F13A1: variants seen among roughly 807,000 people sequenced by gnomAD.
F13A1 encodes coagulation factor XIII A chain.
Under a neutral mutation model 80.1 loss-of-function variants are expected in F13A1, and 47 were observed. That is an observed-to-expected ratio of 0.59 (90% CI 0.46 to 0.75). The LOEUF is 0.75. Ranked by LOEUF, F13A1 falls within the 30% of genes least tolerant of loss-of-function variation. F13A1 has a pLI of 0.00. For missense variants in F13A1, 817 were observed against 930.4 expected, an observed-to-expected ratio of 0.88 and a Z score of 1.59; for synonymous variants, 349 against 344.9, an observed-to-expected ratio of 1.01 and a Z score of -0.13.
In F13A1 at chr6:6,160,102, C is replaced by A. The variant is rs530209993; in HGVS notation, c.1908+7356G>T. ...GACCAGCCTGGCCAACGTGGTGAAA[C>A]CCTGTCTCTACTAAAAATGCAAAAA... On this transcript the variant is annotated intron_variant, in intron 13 of 14. Transcript: ENST00000264870. Among the ~76,000 whole-genome samples the A allele has an allele frequency of 2.0e-3, 297 of 151,598 alleles. 4 individuals carry two copies. The highest frequency in any genetic ancestry group is 3.7e-3 in the Non-Finnish European group (253 of 67,912).
At chr6:6,170,333 TC>T in intron 12 of F13A1, among the ~76,000 whole-genome samples, 1 of 152,144 alleles carries the variant, frequency 6.6e-6, no homozygotes, top group East Asian at 1.9e-4. Flanking sequence ...ACCCCTTTCT[TC>T]TCTGAGGTAG....
At chr6:6,224,652 A>G (rs1301488248) in intron 7 of F13A1, 34 bp downstream of exon 7, 3 of 1,598,138 alleles carry the variant, frequency 1.9e-6, no homozygotes, top group Admixed American at 3.3e-5. Context: ...AGTTTCCTTT[A>G]TATTAAAAAG....
At chr6:6,167,411 G>A (rs967946370) in intron 13 of F13A1, 47 bp downstream of exon 13, 1 of 1,586,974 alleles carries the variant, frequency 6.3e-7, no homozygotes, top group African/African-American at 1.4e-5. Context: ...TGAACACTAA[G>A]TCTGCGTGCC....
chr6:6,194,805 C>T (rs1454884148), intron 10 of F13A1, among the ~76,000 whole-genome samples: 2 of 152,164 alleles, frequency 1.3e-5, no homozygotes, highest in Admixed American at 6.5e-5. Flanking sequence ...TCCTGGAGTA[C>T]TAGAGTGCAA....
chr6:6,272,482 C>T (rs1192781976), intron 3 of F13A1, among the ~76,000 whole-genome samples: 1 of 152,154 alleles, frequency 6.6e-6, no homozygotes, highest in African/African-American at 2.4e-5. Flanking sequence ...AAGCTGATAA[C>T]TCAGGACACT....
chr6:6,206,630 G>A (rs533282412), intron 8 of F13A1: 2 of 483,358 alleles, frequency 4.1e-6, no homozygotes, highest in Non-Finnish European at 8.6e-6. Flanking sequence ...AGAGTGTAGG[G>A]CAGTGATTTC....
chr6:6,266,624 C>T lies in F13A1; in HGVS notation c.505G>A (p.Gly169Ser), dbSNP rs1482093853. ...GGGTTTCGACTGGTTCGAAGTACGCCATAGGGAGTCCAGACAGCAACATAC... is the reference window on the plus strand; with the variant it reads ...GGGTTTCGACTGGTTCGAAGTACGCTATAGGGAGTCCAGACAGCAACATAC... ...RMYVAVWTPY[G>S]VLRTSRNPET... The change falls in exon 4 of 15, where the codon GGC becomes AGC. Residue 169 changes from glycine to serine, a missense_variant. Coordinates refer to ENST00000264870, the MANE Select transcript of F13A1 (RefSeq NM_000129.4). 2.5e-6 allele frequency: 4 copies of T among 1,614,050 alleles called. No individual in the cohort carries two copies. The South Asian group carries it at 3.3e-5, about 13-fold the overall frequency.
intron 4 of F13A1, among the ~76,000 whole-genome samples, chr6:6,256,390 G>A (rs1276123514): frequency 5.3e-5 from 8 of 152,230 alleles, no homozygotes; most frequent in East Asian, 3.9e-4. Flanking sequence ...CCACCATTAC[G>A]ATAAAACTCT....
chr6:6,212,245 G>T (rs1761630592), intron 8 of F13A1, among the ~76,000 whole-genome samples: 1 of 152,226 alleles, frequency 6.6e-6, no homozygotes, highest in Admixed American at 6.5e-5. Context: ...CAAACAAAAA[G>T]ACAGCAGTAA....
At chr6:6,192,416 G>A (rs13212507) in intron 10 of F13A1, among the ~76,000 whole-genome samples, 2 of 152,172 alleles carry the variant, frequency 1.3e-5, no homozygotes, top group African/African-American at 2.4e-5. Context: ...AGAGGGTAAC[G>A]ATAGAGATTG....
intron 12 of F13A1, among the ~76,000 whole-genome samples, 167 bp downstream of exon 12, chr6:6,174,413 A>AAGC (rs1760838725): frequency 6.6e-6 from 1 of 152,036 alleles, no homozygotes; most frequent in African/African-American, 2.4e-5. Context: ...AAAAAAAAAG[A>AAGC]AAGTGGAGGC....
chr6:6,277,652 C>T (rs1758006686), intron 3 of F13A1, among the ~76,000 whole-genome samples: 1 of 152,176 alleles, frequency 6.6e-6, no homozygotes, highest in African/African-American at 2.4e-5. Flanking sequence ...GCATCTTTCT[C>T]CTGGTAAGAG....
chr6:6,196,994 CGTT>C (rs769521423), intron 9 of F13A1, among the ~76,000 whole-genome samples: 1 of 152,132 alleles, frequency 6.6e-6, no homozygotes, highest in Non-Finnish European at 1.5e-5. Context: ...ATGAATTATA[CGTT>C]GTTTTATATT....
At chr6:6,261,291 T>C (rs1380449850) in intron 4 of F13A1, among the ~76,000 whole-genome samples, 1 of 152,168 alleles carries the variant, frequency 6.6e-6, no homozygotes. Flanking sequence ...TTAAAGTTAT[T>C]GCTTATTGTC....
rs1477875272 is a variant in F13A1 at position 6,160,599 on chromosome 6, A to T, written c.1908+6859T>A. Among the ~76,000 whole-genome samples the T allele has an allele frequency of 9.9e-5, 15 of 152,256 alleles. No individual in the cohort carries two copies. The East Asian group carries it at 2.7e-3, about 28-fold the overall frequency. On this transcript the variant is annotated intron_variant, in intron 13 of 14. Coordinates refer to ENST00000264870, the MANE Select transcript of F13A1 (RefSeq NM_000129.4). ...TGATCCAGCCACCTTGGCCTTCCAA[A>T]GTGCTGGGATTACAGGTGTGAGCCA...
At chr6:6,159,261 T>G in intron 13 of F13A1, among the ~76,000 whole-genome samples, 2 of 151,594 alleles carry the variant, frequency 1.3e-5, no homozygotes, top group African/African-American at 4.9e-5. Flanking sequence ...GTGGGAGGAG[T>G]GAGATCAGCA....
intron 11 of F13A1, among the ~76,000 whole-genome samples, chr6:6,177,505 G>T (rs1441555413): frequency 6.6e-6 from 1 of 152,214 alleles, no homozygotes; most frequent in African/African-American, 2.4e-5. Flanking sequence ...TGGCACAGAG[G>T]ATCTGAAGGA....
chr6:6,208,456 A>G (rs1317307513), intron 8 of F13A1, among the ~76,000 whole-genome samples: 1 of 152,204 alleles, frequency 6.6e-6, no homozygotes, highest in African/African-American at 2.4e-5. Context: ...CCAGAAGAAG[A>G]GGAAAGAGAG....
chr6:6,253,035 T>C (rs1757653814), intron 4 of F13A1, among the ~76,000 whole-genome samples: 1 of 150,564 alleles, frequency 6.6e-6, no homozygotes, highest in Non-Finnish European at 1.5e-5. Context: ...GGTGTGTGCC[T>C]GTAATCCTAG....
Sources: gnomAD v4.1 joint callset for allele counts (sites outside exome capture counted in the v4.1 genomes callset) on GRCh38, gnomAD v4.1.1 for gene constraint, MANE v1.5 for transcripts, NCBI Gene and HGNC (gene_info 2026-07-23, HGNC 2026-07-21) for gene names.